QSER1: variants seen among roughly 807,000 people sequenced by gnomAD.
The protein encoded by QSER1 is glutamine and serine rich 1.
QSER1 carries 49 observed loss-of-function variants against 158.5 expected under a neutral mutation model. The ratio of observed to expected loss-of-function variants is 0.31; its 90% CI spans 0.25 to 0.39. The LOEUF (loss-of-function observed/expected upper bound fraction) is 0.39, where lower values mean the gene tolerates loss of function less well. Ranked by LOEUF, QSER1 falls within the 10% of genes least tolerant of loss-of-function variation. The pLI, the probability that QSER1 is intolerant of heterozygous loss-of-function variation, is 1.00. For synonymous variants in QSER1, 650 were observed against 715.5 expected, an observed-to-expected ratio of 0.91 and a Z score of 1.46; for missense variants, 1,754 against 2,010.3, an observed-to-expected ratio of 0.87 and a Z score of 2.44.
chr11:32,900,351 G>A (rs568610749), intron 1 of QSER1, among the ~76,000 whole-genome samples: 8 of 152,230 alleles, frequency 5.3e-5, no homozygotes, highest in Non-Finnish European at 1.2e-4. Flanking sequence ...TTGAGGCCAG[G>A]AGTTCAAAAC....
At position 32,907,867 on chromosome 11, in the gene QSER1, G is replaced by A. The variant is rs568720456; in HGVS notation, c.209+14533G>A. 2.0e-5 allele frequency among the ~76,000 whole-genome samples: 3 copies of A among 152,300 alleles called. No homozygotes were observed. The South Asian group carries it at 6.2e-4, about 32-fold the overall frequency. The stretch of plus-strand genomic sequence containing the variant: ...AGTCCCAGCACTTTGGGAGGCCAAG[G>A]CAGGCACAGATCCCTTGAGCCCAGT... On this transcript the variant is annotated intron_variant, in intron 1 of 12. Coordinates refer to ENST00000650167, the MANE Select transcript of QSER1 (RefSeq NM_001076786.3).
At chr11:32,952,272 G>C (rs1379111234) in intron 4 of QSER1, among the ~76,000 whole-genome samples, 2 of 152,168 alleles carry the variant, frequency 1.3e-5, no homozygotes, top group Non-Finnish European at 2.9e-5. Flanking sequence ...TTTTCTAAAT[G>C]TCCTCTGTAA....
intron 1 of QSER1, among the ~76,000 whole-genome samples, chr11:32,914,743 ATATACC>A (rs1225587544): frequency 6.6e-6 from 1 of 152,238 alleles, no homozygotes; most frequent in Non-Finnish European, 1.5e-5. Flanking sequence ...TCTTACAGTC[ATATACC>A]ATCTTCACTG....
rs1590166647 is a variant in QSER1, at chr11:32,933,288, G to T, written c.2030G>T (p.Arg677Ile). The T allele has an allele frequency of 1.2e-6, 2 of 1,610,308 alleles. No individual in the cohort carries two copies. The highest frequency in any genetic ancestry group is 4.5e-5 in the East Asian group (2 of 44,876). ...CCTGACCCAAAGTCTTATGCTGAAAGAAAGCTTGACTCAGATGTGTATCCA... is the reference window on the plus strand; with the variant it reads ...CCTGACCCAAAGTCTTATGCTGAAATAAAGCTTGACTCAGATGTGTATCCA... Reference protein sequence around the residue: ...TSPDPKSYAERKLDSDVYPSS... With the variant: ...TSPDPKSYAEIKLDSDVYPSS... The change falls in exon 4 of 13, where the codon AGA becomes ATA. Residue 677 changes from arginine to isoleucine, a missense_variant. Around this residue, in one of 2 missense-constraint regions of QSER1, gnomAD observed 1,707 missense variants for 1,919.6 expected, o/e 0.89. Transcript: ENST00000650167.
intron 1 of QSER1, among the ~76,000 whole-genome samples, chr11:32,898,482 T>TCACACACA (rs71034630): frequency 4.0e-3 from 570 of 143,030 alleles, no homozygotes; most frequent in South Asian, 1.0e-2. Context: ...TGAGAACCTG[T>TCACACACA]CACACACACA....
chr11:32,916,128 C>G (rs553068573), intron 1 of QSER1, among the ~76,000 whole-genome samples: 5 of 152,014 alleles, frequency 3.3e-5, no homozygotes, highest in Non-Finnish European at 7.4e-5. Context: ...CTCCAACTCC[C>G]GACCTCAGGT....
At chr11:32,958,303 C>G (rs766927949) in intron 8 of QSER1, among the ~76,000 whole-genome samples, 11 of 152,048 alleles carry the variant, frequency 7.2e-5, no homozygotes, top group African/African-American at 2.4e-4. Context: ...ATAGAAAAGG[C>G]AGAACTTACC....
At chr11:32,949,333 T>A (rs1029231452) in intron 4 of QSER1, among the ~76,000 whole-genome samples, 6 of 152,202 alleles carry the variant, frequency 3.9e-5, no homozygotes, top group African/African-American at 1.4e-4. Context: ...GTGACATTGC[T>A]ATAACAAAGT....
chr11:32,967,291 C>T (rs1472273242), intron 9 of QSER1, among the ~76,000 whole-genome samples: 1 of 152,002 alleles, frequency 6.6e-6, no homozygotes, highest in Non-Finnish European at 1.5e-5. Context: ...TACACAAAGG[C>T]AGCGTGGTAT....
In QSER1 at chr11:32,978,630, T is replaced by C. The variant is rs1008275162; in HGVS notation, c.*2156T>C. 2 of 152,220 alleles carry C rather than the reference T, an allele frequency of 1.3e-5. No individual in the cohort carries two copies. The highest frequency in any genetic ancestry group is 2.4e-5 in the African/African-American group (1 of 41,456). 9.4% of individuals were successfully genotyped at this position (152,220 alleles called of 1,614,324 possible). On this transcript the variant is annotated 3_prime_UTR_variant, in exon 13 of 13. Transcript: ENST00000650167. ...ACATTTCCCATAGAAAATAACCCATTTCCTTTGGCACTGCAGTTGCCCTCA... is the reference window on the plus strand; with the variant it reads ...ACATTTCCCATAGAAAATAACCCATCTCCTTTGGCACTGCAGTTGCCCTCA...
In QSER1 at chr11:32,893,073, G is replaced by A. The variant is rs1208651921; in HGVS notation, c.-53G>A. On this transcript the variant is annotated 5_prime_UTR_variant, in exon 1 of 13. Transcript: ENST00000650167. This position sits in a 1 kb window ranked among gnomAD's most constrained non-coding sequence, Gnocchi z 4.7. ...CTCTCCCTGCCCGCCCCCGTCACAC[G>A]GAGCCCTGGAGGATCCCCCGCTGCT... The A allele has an allele frequency of 1.9e-5, 1 of 51,848 alleles. No homozygotes were observed. The highest frequency in any genetic ancestry group is 3.6e-5 in the Non-Finnish European group (1 of 27,438). The allele number at this position is 51,848 out of a possible 1,614,324, so 3.2% of individuals were successfully genotyped here. A position where few individuals can be genotyped will look rare whatever the true frequency, so the allele number is the denominator to read the frequency against.
intron 4 of QSER1, among the ~76,000 whole-genome samples, chr11:32,935,959 AT>A (rs758397484): frequency 5.3e-5 from 8 of 152,184 alleles, no homozygotes; most frequent in Non-Finnish European, 1.2e-4. Flanking sequence ...AAACTTAAAA[AT>A]TTTATGCTGG....
Position 32,957,195 on chromosome 11 carries a change from G to A in QSER1, c.4752-674G>A, listed in dbSNP as rs550422624. Among the ~76,000 whole-genome samples the A allele has an allele frequency of 2.5e-4, 36 of 141,970 alleles. No homozygotes were observed. The South Asian group carries it at 8.1e-3, about 32-fold the overall frequency. The allele number at this position is 141,970 out of a possible 152,430, so 93.1% of individuals were successfully genotyped here. ...CTTGCTCTGTCGCCCAGGCTGGAGT[G>A]CAGCGGCGTGATCTTGGCTCACTGC... On this transcript the variant is annotated intron_variant, in intron 7 of 12. Coordinates refer to ENST00000650167, the MANE Select transcript of QSER1 (RefSeq NM_001076786.3).
chr11:32,897,409 C>A (rs934460072), intron 1 of QSER1, among the ~76,000 whole-genome samples: 9 of 152,200 alleles, frequency 5.9e-5, no homozygotes, highest in African/African-American at 2.2e-4. Context: ...GCCTGGAAAC[C>A]TAAGCATCAT....
At chr11:32,909,329 C>CT (rs1336044866) in intron 1 of QSER1, among the ~76,000 whole-genome samples, 1 of 151,976 alleles carries the variant, frequency 6.6e-6, no homozygotes, top group African/African-American at 2.4e-5. Context: ...AGGGAAGTAT[C>CT]TTTTATCATC....
At chr11:32,910,343 C>G (rs1436750062) in intron 1 of QSER1, among the ~76,000 whole-genome samples, 14 of 152,160 alleles carry the variant, frequency 9.2e-5, no homozygotes, top group Non-Finnish European at 2.1e-4. Flanking sequence ...ACCACCCTGT[C>G]TCACAACTAA....
chr11:32,922,292 G>A (rs1460652942), intron 1 of QSER1, among the ~76,000 whole-genome samples: 1 of 151,980 alleles, frequency 6.6e-6, no homozygotes, highest in Non-Finnish European at 1.5e-5. Flanking sequence ...AAAGCCACCG[G>A]GTGGGAGAAA....
intron 4 of QSER1, among the ~76,000 whole-genome samples, chr11:32,940,252 T>A (rs2133560174): frequency 6.6e-6 from 1 of 152,330 alleles, no homozygotes; most frequent in Non-Finnish European, 1.5e-5. Context: ...ACTGTTAGCC[T>A]TGCACAAGGC....
At chr11:32,969,471 C>T (rs1008661659) in intron 10 of QSER1, among the ~76,000 whole-genome samples, 5 of 151,946 alleles carry the variant, frequency 3.3e-5, no homozygotes, top group East Asian at 3.9e-4. Flanking sequence ...CAAAATTCAC[C>T]GTACTTGCCT....
Sources: gnomAD v4.1 joint callset for allele counts (sites outside exome capture counted in the v4.1 genomes callset) on GRCh38, gnomAD v4.1.1 for gene constraint, gnomAD v4.1.1 regional missense constraint, Gnocchi (gnomAD v3.1) non-coding constraint, MANE v1.5 for transcripts, NCBI Gene and HGNC (gene_info 2026-07-23, HGNC 2026-07-21) for gene names.